CDK12: variants seen among roughly 807,000 people sequenced by gnomAD.
CDK12 encodes cyclin dependent kinase 12.
A neutral mutation model predicts 133.8 loss-of-function variants in CDK12; 17 were observed. The observed-to-expected ratio is 0.13, with a 90% CI of 0.09 to 0.19. The LOEUF (loss-of-function observed/expected upper bound fraction) is 0.19, where lower values mean the gene tolerates loss of function less well. Ranked by LOEUF, CDK12 falls within the 10% of genes least tolerant of loss-of-function variation. The pLI is 1.00. For missense variants in CDK12, 1,508 were observed against 1,818.7 expected (o/e 0.83, Z 3.11); for synonymous variants, 694 against 683.6 (o/e 1.02, Z -0.24).
At chr17:39,486,063 C>T (rs2051101423) in intron 2 of CDK12, among the ~76,000 whole-genome samples, 1 of 151,038 alleles carries the variant, frequency 6.6e-6, no homozygotes. Context: ...AGCGATTCTC[C>T]TTCCTCAGGT....
chr17:39,478,686 A>G (rs370808098), intron 2 of CDK12, among the ~76,000 whole-genome samples: 4 of 152,244 alleles, frequency 2.6e-5, no homozygotes, highest in East Asian at 3.9e-4. Flanking sequence ...AAGAAAAGGC[A>G]TGATAGCATG....
At chr17:39,490,249 C>T (rs2051478029) in intron 2 of CDK12, among the ~76,000 whole-genome samples, 1 of 151,704 alleles carries the variant, frequency 6.6e-6, no homozygotes, top group South Asian at 2.1e-4. Flanking sequence ...CGCCTGTAAT[C>T]CCAGCTACTT....
intron 3 of CDK12, among the ~76,000 whole-genome samples, chr17:39,559,774 G>A (rs1379161604): frequency 1.3e-5 from 2 of 149,862 alleles, no homozygotes; most frequent in Non-Finnish European, 3.0e-5. Context: ...GAGCGGCAGA[G>A]ATTGTGGTAA....
chr17:39,524,524 CCTA>C, intron 11 of CDK12, 147 bp from the exon 12 acceptor site: 1 of 646,066 alleles, frequency 1.5e-6, no homozygotes, highest in Non-Finnish European at 2.7e-6. Flanking sequence ...ACTGCTGTTA[CCTA>C]CTTTTACTAA....
intron 3 of CDK12, among the ~76,000 whole-genome samples, chr17:39,491,666 C>T (rs577155592): frequency 6.6e-6 from 1 of 151,672 alleles, no homozygotes; most frequent in Non-Finnish European, 1.5e-5. Context: ...AAGCTGTAGC[C>T]CTATGTCTTA....
rs1453484766 is a variant in CDK12, at chr17:39,471,558, G to A, written c.1726G>A (p.Val576Ile). 6.2e-7 allele frequency: 1 copy of A among 1,613,876 alleles called. No homozygotes were observed. Among genetic ancestry groups the A allele is most frequent in the Non-Finnish European group, 8.5e-7 (1 of 1,179,970 alleles). ...TCCTTCTCAGCCAGCATTTAGTCAG[G>A]TTCCTGCTTCCAGTACTTCAACTTT... ...LPPSQPAFSQ[V>I]PASSTSTLPP... Residue 576 changes from valine (V) to isoleucine (I), a missense_variant, in exon 2 of 14, where the codon GTT (valine) becomes ATT (isoleucine). By Grantham distance (29) the Val-to-Ile change is conservative. Coordinates refer to ENST00000447079, the MANE Select transcript of CDK12 (RefSeq NM_016507.4).
intron 8 of CDK12, among the ~76,000 whole-genome samples, chr17:39,512,790 T>C (rs4795376): frequency 0.61 from 91,966 of 151,862 alleles, 31,505 homozygotes; most frequent in South Asian, 0.88. Flanking sequence ...GTTAATTCTT[T>C]CATTTTATAT....
Position 39,471,731 on chromosome 17 carries a change from A to T in CDK12, c.1899A>T (p.Pro633=), listed in dbSNP as rs757794235. ...CAACGTTGCCTCCTTTGCCCCTCCC[A>T]CCCTTATTACCTGGAGATGATGACA... ...KTSTLPPLPL[P]PLLPGDDDMD... The change falls in exon 2 of 14, where the codon CCA becomes CCT. Residue 633 remains proline (P), a synonymous_variant. Transcript: ENST00000447079. The T allele has an allele frequency of 1.9e-6, 3 of 1,612,862 alleles. No individual in the cohort carries two copies. Among genetic ancestry groups the T allele is most frequent in the Middle Eastern group, 1.7e-4 (1 of 6,058 alleles).
chr17:39,513,342 T>C (rs932952677), intron 8 of CDK12, among the ~76,000 whole-genome samples: 2 of 152,178 alleles, frequency 1.3e-5, no homozygotes, highest in African/African-American at 4.8e-5. Context: ...TGTCAGTCTT[T>C]AAGAGGAGCA....
intron 8 of CDK12, among the ~76,000 whole-genome samples, chr17:39,515,070 G>A (rs986735973): frequency 3.3e-5 from 5 of 152,060 alleles, no homozygotes; most frequent in African/African-American, 9.7e-5. Flanking sequence ...AAAATTAGCC[G>A]GGTGTGGTGG....
intron 1 of CDK12, among the ~76,000 whole-genome samples, chr17:39,470,512 T>C (rs1407452734): frequency 2.0e-5 from 3 of 152,216 alleles, no homozygotes; most frequent in Non-Finnish European, 4.4e-5. Context: ...AAGTCTCATA[T>C]ATCCCTGCAT....
chr17:39,565,926 G>A (rs150408303), downstream of CDK12, among the ~76,000 whole-genome samples: 36 of 152,246 alleles, frequency 2.4e-4, no homozygotes, highest in East Asian at 9.7e-4. Context: ...CCTGGCAGTG[G>A]GGGCTGTACA....
intron 6 of CDK12, among the ~76,000 whole-genome samples, chr17:39,502,640 AAATT>A (rs1240140136): frequency 6.6e-6 from 1 of 152,212 alleles, no homozygotes; most frequent in Admixed American, 6.5e-5. Context: ...AGAAATAAAT[AAATT>A]ACTCAATTCA....
chr17:39,507,479 G>A (rs1293660886), intron 6 of CDK12, among the ~76,000 whole-genome samples: 1 of 151,696 alleles, frequency 6.6e-6, no homozygotes, highest in Admixed American at 6.6e-5. Flanking sequence ...CCAGCTACTC[G>A]GGAGGCAGAG....
intron 2 of CDK12, 67 bp downstream of exon 2, chr17:39,471,830 T>C (rs1364873432): frequency 1.5e-6 from 2 of 1,346,848 alleles, no homozygotes; most frequent in Non-Finnish European, 2.1e-6. Flanking sequence ...TGTTTTAATC[T>C]TTGTCAACAC....
chr17:39,465,833 GAT>G (rs1255003087), intron 1 of CDK12, among the ~76,000 whole-genome samples: 1 of 152,102 alleles, frequency 6.6e-6, no homozygotes, highest in Non-Finnish European at 1.5e-5. Flanking sequence ...GTATTCTTAG[GAT>G]ATTTGTTTCT....
intron 2 of CDK12, among the ~76,000 whole-genome samples, chr17:39,554,057 T>C (rs1006849587): frequency 2.0e-5 from 3 of 152,146 alleles, no homozygotes; most frequent in African/African-American, 4.8e-5. Context: ...ACTGTATTCA[T>C]TGGGTGCACA....
At chr17:39,467,488 C>G (rs1473599668) in intron 1 of CDK12, among the ~76,000 whole-genome samples, 1 of 152,096 alleles carries the variant, frequency 6.6e-6, no homozygotes, top group Non-Finnish European at 1.5e-5. Flanking sequence ...CCGCTTTTTT[C>G]TAGAAGAGTG....
At chr17:39,486,674 G>T (rs529361904) in intron 2 of CDK12, among the ~76,000 whole-genome samples, 2 of 151,860 alleles carry the variant, frequency 1.3e-5, no homozygotes, top group South Asian at 4.2e-4. Context: ...GAAATTACAA[G>T]TTTTTTTTCG....
Sources: gnomAD v4.1 joint callset for allele counts (sites outside exome capture counted in the v4.1 genomes callset) on GRCh38, gnomAD v4.1.1 for gene constraint, MANE v1.5 for transcripts, NCBI Gene and HGNC (gene_info 2026-07-23, HGNC 2026-07-21) for gene names.